PDSS2: variants seen among roughly 807,000 people sequenced by gnomAD.
PDSS2 encodes decaprenyl diphosphate synthase subunit 2, also known as all trans-polyprenyl-diphosphate synthase PDSS2.
Under a neutral mutation model 44.5 loss-of-function variants are expected in PDSS2, and 31 were observed. The observed-to-expected ratio is 0.70, with a 90% CI of 0.52 to 0.94. The LOEUF is 0.94. Ranked by LOEUF, PDSS2 falls within the 40% of genes least tolerant of loss-of-function variation. The pLI, the probability that PDSS2 is intolerant of heterozygous loss-of-function variation, is 0.00. For missense variants in PDSS2, 452 were observed against 482.2 expected (o/e 0.94, Z 0.59); for synonymous variants, 157 against 180.3 (o/e 0.87, Z 1.03).
intron 5 of PDSS2, 100 bp from the exon 6 acceptor site, chr6:107,210,670 G>A: frequency 2.5e-6 from 2 of 815,540 alleles, no homozygotes; most frequent in Non-Finnish European, 4.1e-6. Flanking sequence ...GAAATATGAA[G>A]CTTAAGGAAT....
chr6:107,300,533 C>A (rs561136512), intron 2 of PDSS2, among the ~76,000 whole-genome samples: 11 of 152,228 alleles, frequency 7.2e-5, no homozygotes, highest in African/African-American at 2.6e-4. Flanking sequence ...CACACCCAAC[C>A]CATCAGGTGG....
intron 6 of PDSS2, among the ~76,000 whole-genome samples, chr6:107,197,462 A>G (rs1489569426): frequency 6.7e-6 from 1 of 148,300 alleles, no homozygotes; most frequent in Non-Finnish European, 1.5e-5. Flanking sequence ...CCTAGGCAAC[A>G]AAGTGAGACC....
In PDSS2 at chr6:107,212,113, T is replaced by C. The variant is rs766749567; in HGVS notation, c.872A>G (p.His291Arg). 1 of 1,613,738 alleles carries C rather than the reference T, an allele frequency of 6.2e-7. No individual in the cohort carries two copies. Among genetic ancestry groups the C allele is most frequent in the Admixed American group, 1.7e-5 (1 of 60,026 alleles). The part of the protein sequence containing the change: ...FQYGKHMAMS[H>R]KINSDVQPFI... ...GATAAAGGGTGTGCAAAGTACCTTATGACTCATGGCCATGTGCTTCCCATA... is the reference window on the plus strand; with the variant it reads ...GATAAAGGGTGTGCAAAGTACCTTACGACTCATGGCCATGTGCTTCCCATA... Residue 291 changes from histidine (H) to arginine (R), a missense_variant, in exon 5 of 8, where the codon CAT becomes CGT. Coordinates refer to ENST00000369037, the MANE Select transcript of PDSS2 (RefSeq NM_020381.4).
intron 1 of PDSS2, among the ~76,000 whole-genome samples, chr6:107,443,901 C>T (rs560590325): frequency 5.3e-5 from 8 of 152,232 alleles, no homozygotes; most frequent in Non-Finnish European, 7.4e-5. Context: ...TGTCTCCCCA[C>T]GAAAATGAAT....
intron 7 of PDSS2, among the ~76,000 whole-genome samples, chr6:107,184,351 T>A (rs1350081406): frequency 2.0e-5 from 3 of 152,070 alleles, no homozygotes; most frequent in Admixed American, 6.6e-5. Context: ...ATACAAAAAA[T>A]TTCTATATTC....
chr6:107,274,156 A>G lies in PDSS2; in HGVS notation c.503T>C (p.Leu168Ser). The change falls in exon 3 of 8, where the codon TTA becomes TCA. Residue 168 changes from leucine to serine, a missense_variant. By Grantham distance (145) the Leu-to-Ser change is moderately radical. Transcript: ENST00000369037. ...ALLVHRGIVNLNELQSSDGPL... is the reference protein window; with the variant it reads ...ALLVHRGIVNSNELQSSDGPL... ...ACCATCAGATGATTGCAACTCATTT[A>G]AATTTACTATCCCACGATGTACAAG... 6.2e-7 allele frequency: 1 copy of G among 1,613,930 alleles called. No homozygotes were observed. Among genetic ancestry groups the G allele is most frequent in the Non-Finnish European group, 8.5e-7 (1 of 1,179,780 alleles).
At chr6:107,376,399 G>A (rs1055317663) in intron 1 of PDSS2, among the ~76,000 whole-genome samples, 1 of 152,032 alleles carries the variant, frequency 6.6e-6, no homozygotes, top group Non-Finnish European at 1.5e-5. Flanking sequence ...CATGAGCATG[G>A]AATGTTCTTC....
chr6:107,408,176 T>C (rs917022952), intron 1 of PDSS2, among the ~76,000 whole-genome samples: 2 of 151,972 alleles, frequency 1.3e-5, no homozygotes, highest in Admixed American at 6.6e-5. Flanking sequence ...TACAAATGTG[T>C]GTGCCACCAT....
intron 2 of PDSS2, among the ~76,000 whole-genome samples, chr6:107,282,145 A>T (rs1169165277): frequency 6.6e-6 from 1 of 152,116 alleles, no homozygotes; most frequent in Non-Finnish European, 1.5e-5. Context: ...ACCTCAGGTG[A>T]TCCACCCGCC....
intron 1 of PDSS2, among the ~76,000 whole-genome samples, chr6:107,412,233 C>CTTTTT (rs1169549611): frequency 4.5e-4 from 33 of 73,428 alleles, no homozygotes; most frequent in African/African-American, 5.5e-4. Context: ...GTCCTTTGCT[C>CTTTTT]TTTTTTTTTT....
At chr6:107,217,178 G>C (rs1168353498) in intron 4 of PDSS2, among the ~76,000 whole-genome samples, 1 of 152,208 alleles carries the variant, frequency 6.6e-6, no homozygotes, top group African/African-American at 2.4e-5. Context: ...GAATCTCCCT[G>C]AGGTAGGCTA....
At chr6:107,406,172 T>TAAGC (rs1309378371) in intron 1 of PDSS2, among the ~76,000 whole-genome samples, 1 of 152,196 alleles carries the variant, frequency 6.6e-6, no homozygotes. Flanking sequence ...TAGTCAGGTA[T>TAAGC]AAGCAATCGG....
At chr6:107,181,401 T>C (rs1347740242) in intron 7 of PDSS2, among the ~76,000 whole-genome samples, 2 of 149,658 alleles carry the variant, frequency 1.3e-5, no homozygotes, top group African/African-American at 4.9e-5. Flanking sequence ...GGCATGGCAG[T>C]GGGCGCCTGT....
intron 1 of PDSS2, among the ~76,000 whole-genome samples, chr6:107,380,951 T>G (rs942640856): frequency 6.6e-6 from 1 of 152,192 alleles, no homozygotes; most frequent in Non-Finnish European, 1.5e-5. Flanking sequence ...TAATCCGAAT[T>G]GAAGAATGGA....
At chr6:107,306,676 G>C (rs117541386) in intron 2 of PDSS2, among the ~76,000 whole-genome samples, 1 of 152,068 alleles carries the variant, frequency 6.6e-6, no homozygotes, top group African/African-American at 2.4e-5. Flanking sequence ...GTATGCAGAT[G>C]TATTATTATA....
chr6:107,278,504 A>G (rs1775863163), intron 2 of PDSS2, among the ~76,000 whole-genome samples: 1 of 152,226 alleles, frequency 6.6e-6, no homozygotes, highest in African/African-American at 2.4e-5. Flanking sequence ...TTTCACAAAA[A>G]TCACATAATG....
rs574522525 is a variant in PDSS2, at chr6:107,260,995, C to T, written c.630+13034G>A. On this transcript the variant is annotated intron_variant, in intron 3 of 7. Coordinates refer to ENST00000369037, the MANE Select transcript of PDSS2 (RefSeq NM_020381.4). ...ATTTTCATGGACATTTGCTAGATCT[C>T]CAAAGCCAGAGCGAGAAAAAAAATC... Among the ~76,000 whole-genome samples, 8 of 152,146 alleles carry T rather than the reference C, an allele frequency of 5.3e-5. 1 individual carries two copies. The South Asian group carries it at 1.7e-3, about 32-fold the overall frequency.
chr6:107,200,667 A>G (rs1332164120), intron 6 of PDSS2, among the ~76,000 whole-genome samples: 1 of 151,726 alleles, frequency 6.6e-6, no homozygotes, highest in East Asian at 1.9e-4. Flanking sequence ...AGAGCAAGAT[A>G]TTATTATTAT....
intron 1 of PDSS2, among the ~76,000 whole-genome samples, chr6:107,452,184 G>A (rs1416972567): frequency 2.5e-4 from 38 of 151,394 alleles, no homozygotes; most frequent in Admixed American, 2.4e-3. Context: ...ATGCACCACC[G>A]CACAAGCTTT....
Sources: allele counts gnomAD v4.1 joint callset (sites outside exome capture counted in the v4.1 genomes callset), GRCh38; gene constraint gnomAD v4.1.1; transcripts MANE v1.5; gene names NCBI Gene and HGNC (gene_info 2026-07-23, HGNC 2026-07-21).